The following GRIA1 variants were observed in gnomAD, a reference collection of about 807,000 sequenced individuals.
GRIA1 encodes glutamate ionotropic receptor AMPA type subunit 1.
GRIA1 carries 31 observed loss-of-function variants against 99.2 expected under a neutral mutation model. The observed-to-expected ratio is 0.31, with a 90% confidence interval of 0.23 to 0.42. The LOEUF is 0.42. Ranked by LOEUF, GRIA1 falls within the 10% of genes least tolerant of loss-of-function variation. The probability of loss-of-function intolerance (pLI) is 1.00; values close to 1 mark genes in which losing one functional copy is unlikely to be tolerated. For synonymous variants in GRIA1, 438 were observed against 432.4 expected (o/e 1.01, Z -0.16); for missense variants, 782 against 1,157.5 (o/e 0.68, Z 4.71).
intron 2 of GRIA1, among the ~76,000 whole-genome samples, chr5:153,522,633 G>A (rs916400903): frequency 6.6e-6 from 1 of 152,084 alleles, no homozygotes; most frequent in Non-Finnish European, 1.5e-5. Context: ...GCTGAAAGAG[G>A]GACCATCCTA....
rs1755444081 is a variant in GRIA1, at chr5:153,505,927, A to T, written c.220+11862A>T. Among the ~76,000 whole-genome samples the T allele has an allele frequency of 2.0e-5, 3 of 152,230 alleles. No individual in the cohort carries two copies. In the South Asian group the frequency reaches 6.2e-4, roughly 32 times the overall value. On this transcript the variant is annotated intron_variant, in intron 2 of 15. Transcript: ENST00000285900. ...TTCAAAGGAGGTGACTTCTGAGCTCAGATATAAAAGTTGGAAGAGAGCCAA... is the reference window on the plus strand; with the variant it reads ...TTCAAAGGAGGTGACTTCTGAGCTCTGATATAAAAGTTGGAAGAGAGCCAA...
At chr5:153,647,895 C>G (rs750191303) in intron 3 of GRIA1, among the ~76,000 whole-genome samples, 34 of 152,190 alleles carry the variant, frequency 2.2e-4, no homozygotes, top group Admixed American at 4.6e-4. Flanking sequence ...AATCCTTCTC[C>G]TCTTTTGCAG....
At chr5:153,519,029 C>T (rs1009375315) in intron 2 of GRIA1, among the ~76,000 whole-genome samples, 1 of 152,152 alleles carries the variant, frequency 6.6e-6, no homozygotes, top group Non-Finnish European at 1.5e-5. Context: ...CTTTGGGAGG[C>T]CGAGGTGGGC....
intron 6 of GRIA1, 56 bp from the exon 7 acceptor site, chr5:153,676,938 A>G (rs557600394): frequency 5.3e-6 from 7 of 1,319,644 alleles, no homozygotes; most frequent in African/African-American, 1.5e-5. Context: ...CAGCACCCAA[A>G]CCTGCCTTCC....
intron 2 of GRIA1, among the ~76,000 whole-genome samples, chr5:153,514,145 G>A (rs911403969): frequency 6.6e-6 from 1 of 152,180 alleles, no homozygotes; most frequent in African/African-American, 2.4e-5. Flanking sequence ...TCTCAAGGGA[G>A]TAAAACTGTG....
At chr5:153,637,630 T>C (rs1753464905) in intron 2 of GRIA1, among the ~76,000 whole-genome samples, 1 of 152,152 alleles carries the variant, frequency 6.6e-6, no homozygotes, top group Non-Finnish European at 1.5e-5. Flanking sequence ...TCTTCTTTCC[T>C]GGGGAGAAAC....
chr5:153,667,135 T>C (rs1044538592), intron 5 of GRIA1, among the ~76,000 whole-genome samples: 2 of 152,246 alleles, frequency 1.3e-5, no homozygotes, highest in African/African-American at 2.4e-5. Flanking sequence ...GAGTATACAG[T>C]ACAAGTTCTT....
intron 11 of GRIA1, among the ~76,000 whole-genome samples, chr5:153,717,127 T>C (rs1759721523): frequency 6.6e-6 from 1 of 152,152 alleles, no homozygotes; most frequent in Non-Finnish European, 1.5e-5. Context: ...TACAGGCTCT[T>C]TTCACTGCCA....
chr5:153,803,165 T>G (rs1461225), intron 15 of GRIA1, among the ~76,000 whole-genome samples: 55,893 of 152,052 alleles, frequency 0.37, 12,213 homozygotes, highest in East Asian at 0.91. Flanking sequence ...GGATAAATGT[T>G]AACACGATAC....
intron 8 of GRIA1, among the ~76,000 whole-genome samples, chr5:153,689,103 AC>A (rs1757556587): frequency 6.6e-6 from 1 of 150,928 alleles, no homozygotes; most frequent in Non-Finnish European, 1.5e-5. Context: ...ATCATAGCTC[AC>A]TATAACCTCA....
At chr5:153,491,309 ATGGTGC>A (rs1753895856) in intron 1 of GRIA1, 1 of 1,206,778 alleles carries the variant, frequency 8.3e-7, no homozygotes, top group Admixed American at 4.0e-5. Context: ...TGCTTGGTAG[ATGGTGC>A]TTGATTCCAT....
intron 11 of GRIA1, among the ~76,000 whole-genome samples, chr5:153,716,071 G>T (rs1759646689): frequency 1.3e-5 from 2 of 152,184 alleles, no homozygotes; most frequent in African/African-American, 4.8e-5. Context: ...CACTATTCAG[G>T]AAAGCTCTGA....
chr5:153,615,421 C>G (rs530054610), intron 2 of GRIA1, among the ~76,000 whole-genome samples: 1 of 152,114 alleles, frequency 6.6e-6, no homozygotes, highest in Non-Finnish European at 1.5e-5. Context: ...ATGAAAGGAC[C>G]GCTTGAGACC....
chr5:153,700,986 A>T (rs2149515435), intron 10 of GRIA1, among the ~76,000 whole-genome samples: 1 of 152,294 alleles, frequency 6.6e-6, no homozygotes, highest in African/African-American at 2.4e-5. Flanking sequence ...TCCATGGACA[A>T]AAGGTAGAGA....
chr5:153,659,381 A>T (rs142016509), intron 5 of GRIA1, among the ~76,000 whole-genome samples: 53 of 152,320 alleles, frequency 3.5e-4, no homozygotes, highest in African/African-American at 1.3e-3. Context: ...TTGGAAAGCT[A>T]TGCCACTATC....
chr5:153,594,533 TG>T (rs1370351464), intron 2 of GRIA1, among the ~76,000 whole-genome samples: 1 of 152,180 alleles, frequency 6.6e-6, no homozygotes, highest in African/African-American at 2.4e-5. Context: ...AATGAGTGTA[TG>T]TTTTTTTAAT....
chr5:153,634,774 T>A (rs1018329993), intron 2 of GRIA1, among the ~76,000 whole-genome samples: 1 of 152,190 alleles, frequency 6.6e-6, no homozygotes, highest in Non-Finnish European at 1.5e-5. Context: ...GAAATAAAAA[T>A]GATTCAGCTT....
At chr5:153,522,080 T>C (rs1035955279) in intron 2 of GRIA1, among the ~76,000 whole-genome samples, 5 of 152,220 alleles carry the variant, frequency 3.3e-5, no homozygotes, top group African/African-American at 1.2e-4. Flanking sequence ...TGTTGGGAGC[T>C]GAGTGCTCCC....
At chr5:153,616,044 C>A (rs915416064) in intron 2 of GRIA1, among the ~76,000 whole-genome samples, 8 of 152,190 alleles carry the variant, frequency 5.3e-5, no homozygotes, top group Admixed American at 1.3e-4. Context: ...ATTACCCAGT[C>A]TCTCCAGGTC....
Sources: allele counts gnomAD v4.1 joint callset (sites outside exome capture counted in the v4.1 genomes callset), GRCh38; gene constraint gnomAD v4.1.1; transcripts MANE v1.5; gene names NCBI Gene and HGNC (gene_info 2026-07-23, HGNC 2026-07-21).